The following TNRC6C variants were observed in gnomAD, a reference collection of about 807,000 sequenced individuals.
The protein encoded by TNRC6C is trinucleotide repeat-containing gene 6C protein.
TNRC6C carries 20 observed loss-of-function variants against 153.7 expected under a neutral mutation model. The ratio of observed to expected loss-of-function variants is 0.13; its 90% CI spans 0.09 to 0.19. The LOEUF is 0.19. Ranked by LOEUF, TNRC6C falls within the 10% of genes least tolerant of loss-of-function variation. The pLI, the probability that TNRC6C is intolerant of heterozygous loss-of-function variation, is 1.00. For synonymous variants in TNRC6C, 811 were observed against 841.4 expected, an observed-to-expected ratio of 0.96 and a Z score of 0.63; for missense variants, 1,987 against 2,172.0, an observed-to-expected ratio of 0.91 and a Z score of 1.69.
Position 77,986,362 on chromosome 17 carries a change from G to A in TNRC6C, c.-37-17808G>A, listed in dbSNP as rs544052713. Among the ~76,000 whole-genome samples, 8 of 147,778 alleles carry A rather than the reference G, an allele frequency of 5.4e-5. No individual in the cohort carries two copies. The Admixed American group carries it at 5.5e-4, about 10-fold the overall frequency. ...CGCGGGAGACAGGTTGTGGTGAGCC[G>A]AGATCGCGCCATTGCACTCCAGCCT... On this transcript the variant is annotated intron_variant, in intron 1 of 22. Transcript: ENST00000636222.
intron 12 of TNRC6C, 76 bp downstream of exon 14, chr17:78,086,662 T>C (rs984044405): frequency 3.4e-5 from 52 of 1,551,358 alleles, no homozygotes; most frequent in Non-Finnish European, 4.3e-5. Flanking sequence ...TGATGAACTA[T>C]TAGATGATCA....
intron 8 of TNRC6C, 105 bp from the exon 11 acceptor site, chr17:78,077,080 T>C (rs2073097882): frequency 7.6e-7 from 1 of 1,307,406 alleles, no homozygotes; most frequent in Non-Finnish European, 1.0e-6. Context: ...TTTGATCTGT[T>C]AATTATTTAT....
chr17:77,998,538 C>T (rs2071363922), intron 1 of TNRC6C, among the ~76,000 whole-genome samples: 1 of 152,090 alleles, frequency 6.6e-6, no homozygotes. Context: ...CTTTGTTTTC[C>T]AAATTCAGTA....
intron 1 of TNRC6C, among the ~76,000 whole-genome samples, chr17:77,965,447 T>C (rs1037135555): frequency 5.9e-5 from 9 of 152,246 alleles, no homozygotes; most frequent in African/African-American, 2.2e-4. Flanking sequence ...GGAAGTTGAA[T>C]AATTTGCCCC....
At chr17:77,989,915 A>G (rs979643269) in intron 1 of TNRC6C, among the ~76,000 whole-genome samples, 6 of 152,156 alleles carry the variant, frequency 3.9e-5, no homozygotes, top group African/African-American at 1.4e-4. Context: ...ATATTTCTGC[A>G]TTAACATCTC....
intron 1 of TNRC6C, among the ~76,000 whole-genome samples, chr17:77,997,871 G>A (rs1269265935): frequency 6.6e-6 from 1 of 151,890 alleles, no homozygotes; most frequent in African/African-American, 2.4e-5. Flanking sequence ...AGCCAGGATG[G>A]TCTCGATGTC....
Position 78,079,447 on chromosome 17 carries a change from G to A in TNRC6C, c.3263G>A (p.Arg1088Lys). The A allele has an allele frequency of 6.2e-7, 1 of 1,613,938 alleles. No homozygotes were observed. The highest frequency in any genetic ancestry group is 2.2e-5 in the East Asian group (1 of 44,882). ...GGCAATAGTGGAGCAGCACAAGCCAGGACCATGCAGCAGCCGCCACAGCCA... is the reference window on the plus strand; with the variant it reads ...GGCAATAGTGGAGCAGCACAAGCCAAGACCATGCAGCAGCCGCCACAGCCA... Residue 1088 changes from arginine (R) to lysine (K), a missense_variant, in exon 10 of 20, where the codon AGG becomes AAG. By Grantham distance (26) the Arg-to-Lys change is conservative. This residue lies in a region of TNRC6C where 765 missense variants were observed against 908.6 expected (regional missense o/e 0.84). Transcript: ENST00000301624. This position sits in a 1 kb window ranked among gnomAD's most constrained non-coding sequence, Gnocchi z 4.3.
At chr17:78,034,414 G>A (rs1322364656) in intron 2 of TNRC6C, among the ~76,000 whole-genome samples, 3 of 151,936 alleles carry the variant, frequency 2.0e-5, no homozygotes, top group Admixed American at 6.6e-5. Context: ...TCACAAGTGT[G>A]CCATGCTCAC....
intron 1 of TNRC6C, among the ~76,000 whole-genome samples, chr17:78,026,776 G>A (rs935200867): frequency 6.6e-6 from 1 of 152,134 alleles, no homozygotes; most frequent in Non-Finnish European, 1.5e-5. Context: ...TATAGATGAT[G>A]GATTAGAGAG....
intron 1 of TNRC6C, among the ~76,000 whole-genome samples, chr17:78,005,334 T>C (rs1290192789): frequency 6.6e-6 from 1 of 152,176 alleles, no homozygotes; most frequent in Non-Finnish European, 1.5e-5. Flanking sequence ...AAATTTTCTT[T>C]TGATTTCCAC....
At chr17:78,053,719 G>A (rs2072585591) in intron 3 of TNRC6C, among the ~76,000 whole-genome samples, 1 of 152,038 alleles carries the variant, frequency 6.6e-6, no homozygotes, top group Non-Finnish European at 1.5e-5. Flanking sequence ...ATTTAATAGA[G>A]TTTAATTAGC....
At chr17:77,983,225 G>A (rs1283563004) in intron 1 of TNRC6C, among the ~76,000 whole-genome samples, 1 of 152,144 alleles carries the variant, frequency 6.6e-6, no homozygotes, top group Non-Finnish European at 1.5e-5. Context: ...AGTTCTGCTG[G>A]GATTTGGAGT....
exon 15 of TNRC6C, chr17:78,093,017 A>T: frequency 6.2e-7 from 1 of 1,613,884 alleles, no homozygotes. Flanking sequence ...TTAATCCAGA[A>T]CAGTGAGTCA....
At chr17:78,050,389 G>A (rs913074400) in exon 3 of TNRC6C, 2 of 1,613,836 alleles carry the variant, frequency 1.2e-6, no homozygotes, top group Non-Finnish European at 1.7e-6. Flanking sequence ...TGACCCAAGA[G>A]TTCTGTCTAA....
chr17:77,964,226 A>G (rs922349703), intron 1 of TNRC6C, among the ~76,000 whole-genome samples: 1 of 152,058 alleles, frequency 6.6e-6, no homozygotes, highest in African/African-American at 2.4e-5. Flanking sequence ...TACTCTGAAG[A>G]CCCTCTCTGT....
intron 1 of TNRC6C, among the ~76,000 whole-genome samples, chr17:77,964,507 GA>G (rs1425771715): frequency 6.6e-6 from 1 of 152,192 alleles, no homozygotes; most frequent in Non-Finnish European, 1.5e-5. Flanking sequence ...AGCTTATTAA[GA>G]ATAAGATCTC....
intron 16 of TNRC6C, among the ~76,000 whole-genome samples, chr17:78,094,627 A>G (rs963063618): frequency 6.6e-6 from 1 of 151,920 alleles, no homozygotes; most frequent in Admixed American, 6.6e-5. Context: ...TTTAGTAGAG[A>G]TGGGGTTTCA....
intron 2 of TNRC6C, among the ~76,000 whole-genome samples, chr17:78,044,773 C>T (rs192326314): frequency 2.9e-4 from 44 of 152,310 alleles, no homozygotes; most frequent in Middle Eastern, 6.8e-3. Context: ...CCCACAAAGC[C>T]TAAAGCATTT....
intron 1 of TNRC6C, among the ~76,000 whole-genome samples, chr17:78,014,544 C>G (rs1436237066): frequency 6.6e-6 from 1 of 151,470 alleles, no homozygotes; most frequent in African/African-American, 2.4e-5. Flanking sequence ...AGGGCCAAAA[C>G]AAAGTAACCT....
Sources: allele counts gnomAD v4.1 joint callset (sites outside exome capture counted in the v4.1 genomes callset), GRCh38; gene constraint gnomAD v4.1.1; regional missense constraint gnomAD v4.1.1; non-coding constraint Gnocchi (gnomAD v3.1); transcripts MANE v1.5; gene names NCBI Gene and HGNC (gene_info 2026-07-23, HGNC 2026-07-21).